The following KAZN variants were observed in gnomAD, a reference collection of about 807,000 sequenced individuals.
KAZN encodes the protein kazrin.
Under a neutral mutation model 87.4 loss-of-function variants are expected in KAZN, and 40 were observed. The ratio of observed to expected loss-of-function variants is 0.46; its 90% CI spans 0.36 to 0.60. The LOEUF is 0.60. KAZN is among the 20% of genes least tolerant of loss of function. The probability of loss-of-function intolerance (pLI) is 0.00; values close to 1 mark genes in which losing one functional copy is unlikely to be tolerated. For missense variants in KAZN, 898 were observed against 1,073.9 expected (o/e 0.84, Z 2.29); for synonymous variants, 466 against 458.3 (o/e 1.02, Z -0.22).
chr1:14,277,661 TG>T (rs1298081878), intron 2 of KAZN, among the ~76,000 whole-genome samples: 12 of 140,316 alleles, frequency 8.6e-5, no homozygotes, highest in East Asian at 2.1e-4. Context: ...GACTCCCTCT[TG>T]AAAAAAAAAA....
At chr1:14,774,626 A>T (rs574951206) in intron 1 of KAZN, among the ~76,000 whole-genome samples, 17 of 151,854 alleles carry the variant, frequency 1.1e-4, no homozygotes, top group Admixed American at 4.6e-4. Flanking sequence ...ATGCATCACC[A>T]CACCTGGCTA....
chr1:14,155,137 A>G (rs1032424268), intron 1 of KAZN, among the ~76,000 whole-genome samples: 1 of 152,318 alleles, frequency 6.6e-6, no homozygotes, highest in South Asian at 2.1e-4. Context: ...TGTTTGATAG[A>G]ATTCAGCAGT....
intron 1 of KAZN, among the ~76,000 whole-genome samples, chr1:14,945,355 G>A (rs1053791391): frequency 9.2e-5 from 14 of 152,220 alleles, no homozygotes; most frequent in African/African-American, 1.9e-4. Context: ...GTGGGAAAAC[G>A]TCCCAGGCCG....
intron 2 of KAZN, among the ~76,000 whole-genome samples, chr1:14,209,897 G>A (rs1646818409): frequency 6.6e-6 from 1 of 152,146 alleles, no homozygotes; most frequent in South Asian, 2.1e-4. Flanking sequence ...TTCCAGACGA[G>A]CTGCTACTGT....
At chr1:14,825,429 T>G (rs1033542877) in intron 1 of KAZN, among the ~76,000 whole-genome samples, 2 of 152,210 alleles carry the variant, frequency 1.3e-5, no homozygotes, top group Non-Finnish European at 2.9e-5. Context: ...TAAACAAGTA[T>G]GCATTCCTGC....
chr1:14,715,746 CTTCA>C (rs1642759857), intron 1 of KAZN, among the ~76,000 whole-genome samples: 1 of 152,188 alleles, frequency 6.6e-6, no homozygotes, highest in African/African-American at 2.4e-5. Context: ...AGTATCGCAG[CTTCA>C]TTTTCTTTTC....
intron 1 of KAZN, among the ~76,000 whole-genome samples, chr1:14,706,896 C>T (rs573650252): frequency 6.6e-6 from 1 of 152,328 alleles, no homozygotes; most frequent in East Asian, 1.9e-4. Context: ...CGCCACCCCA[C>T]CAGGAACTGG....
chr1:14,098,875 G>A (rs955378089), intron 1 of KAZN, among the ~76,000 whole-genome samples: 46 of 152,170 alleles, frequency 3.0e-4, no homozygotes, highest in African/African-American at 1.1e-3. Flanking sequence ...CTGGGGAACA[G>A]ATGGGGCCCA....
At chr1:14,981,269 G>A (rs554584049) in intron 2 of KAZN, among the ~76,000 whole-genome samples, 3 of 152,148 alleles carry the variant, frequency 2.0e-5, no homozygotes, top group African/African-American at 4.8e-5. Context: ...TTCCTAAAAC[G>A]GATTTTTAAA....
intron 2 of KAZN, among the ~76,000 whole-genome samples, chr1:15,029,782 A>G (rs1671503848): frequency 6.6e-6 from 1 of 152,232 alleles, no homozygotes; most frequent in Admixed American, 6.5e-5. Flanking sequence ...ATTTCCAACC[A>G]GAAAGCAGAG....
rs1395223515 is a variant in KAZN, at chr1:14,735,450, G to A, written c.226+136227G>A. 6.6e-6 allele frequency among the ~76,000 whole-genome samples: 1 copy of A among 152,180 alleles called. No individual in the cohort carries two copies. The highest frequency in any genetic ancestry group is 1.5e-5 in the Non-Finnish European group (1 of 68,038). On this transcript the variant is annotated intron_variant, in intron 1 of 14. Coordinates refer to ENST00000376030, the MANE Select transcript of KAZN (RefSeq NM_201628.3). The surrounding 1 kb of genome is among the most constrained non-coding windows in gnomAD (Gnocchi z 4.3). ...TCTTCTTCCAGGCAGCCCTGCCCTG[G>A]TTTCCAGCCACCTTGGGTGTTTAGG...
chr1:14,257,975 G>GAAAAA (rs201805345), intron 2 of KAZN, among the ~76,000 whole-genome samples: 1 of 87,976 alleles, frequency 1.1e-5, no homozygotes, highest in African/African-American at 4.3e-5. Context: ...AAAAAAAAGA[G>GAAAAA]AAAAAAAAAA....
intron 2 of KAZN, among the ~76,000 whole-genome samples, chr1:14,505,367 A>T (rs1553181208): frequency 6.6e-6 from 1 of 152,232 alleles, no homozygotes. Flanking sequence ...AGACAAGCCA[A>T]TAGATGTCTA....
intron 1 of KAZN, among the ~76,000 whole-genome samples, chr1:14,131,883 C>T (rs1645000090): frequency 1.3e-5 from 2 of 151,932 alleles, no homozygotes; most frequent in African/African-American, 4.8e-5. Flanking sequence ...TTTTATGACA[C>T]CACACCAATG....
At chr1:14,549,664 A>G (rs902532341) in intron 2 of KAZN, among the ~76,000 whole-genome samples, 2 of 150,270 alleles carry the variant, frequency 1.3e-5, no homozygotes, top group African/African-American at 4.9e-5. Flanking sequence ...TCCTTGGACA[A>G]TAGGTAATCC....
Position 13,913,732 on chromosome 1 carries a change from T to A in KAZN, c.91+19976T>A, listed in dbSNP as rs537908197. Reference sequence around the variant, plus strand: ...TTGGAGGGGGTGATCCTTTTTGAAGTGGTTTTCTAACTTCAGTGTTTCATA... The same window carrying A: ...TTGGAGGGGGTGATCCTTTTTGAAGAGGTTTTCTAACTTCAGTGTTTCATA... On this transcript the variant is annotated intron_variant, in intron 1 of 16. Transcript: ENST00000636203. 2.6e-5 allele frequency among the ~76,000 whole-genome samples: 4 copies of A among 152,314 alleles called. No homozygotes were observed. In the South Asian group the frequency reaches 6.2e-4, roughly 24 times the overall value.
At chr1:14,834,068 C>T (rs1647141677) in intron 1 of KAZN, among the ~76,000 whole-genome samples, 4 of 152,088 alleles carry the variant, frequency 2.6e-5, no homozygotes, top group African/African-American at 9.7e-5. Flanking sequence ...TGGAGTCTCA[C>T]TCTGTCACCC....
intron 2 of KAZN, among the ~76,000 whole-genome samples, chr1:14,448,856 G>T (rs1043058432): frequency 6.6e-6 from 1 of 152,208 alleles, no homozygotes; most frequent in African/African-American, 2.4e-5. Flanking sequence ...ATTCACACGT[G>T]ACTGATGGGC....
At chr1:15,065,133 A>C (rs1639130247) in intron 7 of KAZN, among the ~76,000 whole-genome samples, 1 of 140,016 alleles carries the variant, frequency 7.1e-6, no homozygotes, top group African/African-American at 2.7e-5. Flanking sequence ...GGTTCAAGTG[A>C]TTCTCCTGCC....
Sources: allele counts gnomAD v4.1 joint callset (sites outside exome capture counted in the v4.1 genomes callset), GRCh38; gene constraint gnomAD v4.1.1; non-coding constraint Gnocchi (gnomAD v3.1); transcripts MANE v1.5; gene names NCBI Gene and HGNC (gene_info 2026-07-23, HGNC 2026-07-21).